PCDHA3: variants seen among roughly 807,000 people sequenced by gnomAD.
PCDHA3 encodes the protein protocadherin alpha 3.
In PCDHA3, 41 loss-of-function variants were observed where a neutral mutation model predicts 62.2. That is an observed-to-expected ratio of 0.66 (90% confidence interval 0.51 to 0.86). The LOEUF is 0.86. Among genes scored for constraint, PCDHA3 ranks in the 40% least tolerant of loss-of-function variants. The probability of loss-of-function intolerance (pLI) is 0.00; values close to 1 mark genes in which losing one functional copy is unlikely to be tolerated. For synonymous variants in PCDHA3, 640 were observed against 555.4 expected (o/e 1.15, Z -2.14); for missense variants, 1,304 against 1,241.2 (o/e 1.05, Z -0.76).
chr5:141,011,435 T>C lies in PCDHA3; in HGVS notation c.*1498T>C, dbSNP rs781837801. ...TGTGAATGTTAATGCAACTATTACC[T>C]AGAGTGAACTTTAAGCTTTATTGTT... On this transcript the variant is annotated 3_prime_UTR_variant, in exon 4 of 4. Coordinates refer to ENST00000522353, the MANE Select transcript of PCDHA3 (RefSeq NM_018906.3). 3 of 153,818 alleles carry C rather than the reference T, an allele frequency of 2.0e-5. No individual in the cohort carries two copies. The highest frequency in any genetic ancestry group is 4.4e-5 in the Non-Finnish European group (3 of 68,050). The allele number at this position is 153,818 out of a possible 1,614,324, so 9.5% of individuals were successfully genotyped here.
At chr5:140,850,270 G>A (rs782505254) in intron 1 of PCDHA3, 1 of 1,594,948 alleles carries the variant, frequency 6.3e-7, no homozygotes, top group African/African-American at 1.3e-5. Flanking sequence ...GTAGTGGTGG[G>A]GAAGGTGCGC....
chr5:140,854,244 A>C lies in PCDHA3; in HGVS notation c.2394+50653A>C, dbSNP rs782085298. 42 of 645,742 alleles carry C rather than the reference A, an allele frequency of 6.5e-5. 1 individual carries two copies. The highest frequency in any genetic ancestry group is 7.7e-5 in the Non-Finnish European group (40 of 520,302). 40.0% of individuals were successfully genotyped at this position (645,742 alleles called of 1,614,324 possible). A position where few individuals can be genotyped will look rare whatever the true frequency, so the allele number is the denominator to read the frequency against. ...TCTACATTGGGATATTTATGTTATCACTTGGTATAAAATGTACATTAGTAG... is the reference window on the plus strand; with the variant it reads ...TCTACATTGGGATATTTATGTTATCCCTTGGTATAAAATGTACATTAGTAG... On this transcript the variant is annotated intron_variant, in intron 1 of 3. Coordinates refer to ENST00000522353, the MANE Select transcript of PCDHA3 (RefSeq NM_018906.3).
chr5:140,825,482 GC>G (rs1768595274), intron 1 of PCDHA3: 1 of 149,484 alleles, frequency 6.7e-6, no homozygotes, highest in Non-Finnish European at 1.5e-5. Context: ...TGCTCTTGTT[GC>G]CCAAACGAGT....
chr5:140,930,594 A>G (rs1554207944), intron 1 of PCDHA3: 2 of 152,716 alleles, frequency 1.3e-5, no homozygotes, highest in East Asian at 3.9e-4. Flanking sequence ...GACTTCTCAT[A>G]GAAATCCTAG....
chr5:140,911,075 A>G (rs1554194593), intron 1 of PCDHA3, among the ~76,000 whole-genome samples: 1 of 152,076 alleles, frequency 6.6e-6, no homozygotes, highest in Admixed American at 6.6e-5. Context: ...GAGGAGAATC[A>G]ACATTATCTT....
intron 1 of PCDHA3, among the ~76,000 whole-genome samples, chr5:140,923,323 C>T (rs1554201408): frequency 6.6e-6 from 1 of 152,092 alleles, no homozygotes; most frequent in Non-Finnish European, 1.5e-5. Context: ...CCTAGAAGTT[C>T]AAGGACAGTT....
At chr5:140,933,773 A>G (rs2089413998) in intron 1 of PCDHA3, among the ~76,000 whole-genome samples, 1 of 152,040 alleles carries the variant, frequency 6.6e-6, no homozygotes, top group South Asian at 2.1e-4. Context: ...CTGTACCTAC[A>G]GTTTTCTTTG....
chr5:140,962,339 G>A (rs1454430913), intron 1 of PCDHA3, among the ~76,000 whole-genome samples: 1 of 152,152 alleles, frequency 6.6e-6, no homozygotes, highest in Non-Finnish European at 1.5e-5. Flanking sequence ...TGATAAAGAA[G>A]TAAAACTCCC....
chr5:140,936,615 G>T (rs1052104404), intron 1 of PCDHA3, among the ~76,000 whole-genome samples: 1 of 152,178 alleles, frequency 6.6e-6, no homozygotes, highest in Non-Finnish European at 1.5e-5. Context: ...CTGCTACTGT[G>T]CAGTGCTACC....
rs1554178015 is a variant in PCDHA3 at position 140,883,392 on chromosome 5, C to A, written c.2394+79801C>A. 1.9e-6 allele frequency: 3 copies of A among 1,614,184 alleles called. No individual in the cohort carries two copies. The East Asian group carries it at 6.7e-5, about 36-fold the overall frequency. ...GCCATTATTGCCCTAATCAGTGTGT[C>A]CGATCGTGACTCTGGCTCAAATGGA... is the stretch of plus-strand genomic sequence containing the variant. On this transcript the variant is annotated intron_variant, in intron 1 of 3. Transcript: ENST00000522353.
At chr5:140,850,446 G>A (rs2150484747) in intron 1 of PCDHA3, 1 of 1,598,030 alleles carries the variant, frequency 6.3e-7, no homozygotes, top group Non-Finnish European at 8.6e-7. Context: ...ACTGGTGCTG[G>A]TGAAAGACCA....
rs1554138767 is a variant in PCDHA3, at chr5:140,842,067, T to C, written c.2394+38476T>C. On this transcript the variant is annotated intron_variant, in intron 1 of 3. Coordinates refer to ENST00000522353, the MANE Select transcript of PCDHA3 (RefSeq NM_018906.3). ...ACTTTCGAACAGTCTGAATACGAAG[T>C]AAGAATATTCGAAAACGCAGACAAC... 5.6e-6 allele frequency: 9 copies of C among 1,613,874 alleles called. No individual in the cohort carries two copies. The South Asian group carries it at 9.9e-5, about 18-fold the overall frequency.
At chr5:140,990,627 A>G (rs782672988) in intron 3 of PCDHA3, among the ~76,000 whole-genome samples, 16 of 152,198 alleles carry the variant, frequency 1.1e-4, no homozygotes, top group Non-Finnish European at 1.5e-4. Flanking sequence ...GTCTGTGGTA[A>G]GACTAGAAGC....
At position 140,968,680 on chromosome 5, in the gene PCDHA3, C is replaced by T. The variant is rs546565550; in HGVS notation, c.2395-10269C>T. 10 of 1,614,154 alleles carry T rather than the reference C, an allele frequency of 6.2e-6. No homozygotes were observed. The South Asian group carries it at 6.6e-5, about 11-fold the overall frequency. ...TGGACCTCTTTAAGGTAGAGCTGCA[C>T]ACAGGAGAAATTAGGACTACCAGGA... On this transcript the variant is annotated intron_variant, in intron 1 of 3. Coordinates refer to ENST00000522353, the MANE Select transcript of PCDHA3 (RefSeq NM_018906.3).
intron 1 of PCDHA3, chr5:140,876,824 A>G (rs1554168970): frequency 1.2e-6 from 2 of 1,614,116 alleles, no homozygotes; most frequent in Non-Finnish European, 1.7e-6. Context: ...GTGAACGACA[A>G]TGCGCCTGCG....
chr5:140,890,341 T>C (rs2062601372), intron 1 of PCDHA3, among the ~76,000 whole-genome samples: 1 of 152,190 alleles, frequency 6.6e-6, no homozygotes, highest in Non-Finnish European at 1.5e-5. Context: ...GTTGGGATGG[T>C]TTACTATATA....
intron 1 of PCDHA3, chr5:140,927,650 TC>T (rs2084465821): frequency 6.2e-7 from 1 of 1,614,080 alleles, no homozygotes; most frequent in Admixed American, 1.7e-5. Flanking sequence ...ACTGTGTTAT[TC>T]CGAGTTCAAG....
intron 1 of PCDHA3, among the ~76,000 whole-genome samples, chr5:140,923,034 C>T (rs1252133915): frequency 6.6e-6 from 1 of 152,174 alleles, no homozygotes; most frequent in Non-Finnish European, 1.5e-5. Context: ...TCTATTACTA[C>T]ATGTATAGTA....
chr5:140,890,043 G>GT (rs1255415089), intron 1 of PCDHA3, among the ~76,000 whole-genome samples: 1 of 152,192 alleles, frequency 6.6e-6, no homozygotes, highest in Non-Finnish European at 1.5e-5. Context: ...ACTGTAGTGT[G>GT]TTGGAGCTGG....
Sources: allele counts gnomAD v4.1 joint callset (sites outside exome capture counted in the v4.1 genomes callset), GRCh38; gene constraint gnomAD v4.1.1; transcripts MANE v1.5; gene names NCBI Gene and HGNC (gene_info 2026-07-23, HGNC 2026-07-21).